CLSTN2: variants seen among roughly 807,000 people sequenced by gnomAD.
The protein encoded by CLSTN2 is calsyntenin-2.
In CLSTN2, 48 loss-of-function variants were observed where a neutral mutation model predicts 101.2. That is an observed-to-expected ratio of 0.47 (90% CI 0.38 to 0.60). CLSTN2 has a LOEUF of 0.60. Among genes scored for constraint, CLSTN2 ranks in the 20% least tolerant of loss-of-function variants. CLSTN2 has a pLI of 0.00. For synonymous variants in CLSTN2, 481 were observed against 463.6 expected, an observed-to-expected ratio of 1.04 and a Z score of -0.48; for missense variants, 1,160 against 1,238.2, an observed-to-expected ratio of 0.94 and a Z score of 0.95.
At chr3:140,467,461 A>G (rs1487377792) in intron 8 of CLSTN2, among the ~76,000 whole-genome samples, 2 of 152,202 alleles carry the variant, frequency 1.3e-5, no homozygotes, top group East Asian at 3.8e-4. Flanking sequence ...ATTGTTCAAA[A>G]GTGTTTTAAA....
In CLSTN2 at chr3:140,013,483, A is replaced by G. The variant is rs76946582; in HGVS notation, c.109+78000A>G. On this transcript the variant is annotated intron_variant, in intron 1 of 16. Transcript: ENST00000458420. ...GGAATAGAAAGCAGTGCGTGGAGAC[A>G]GGGACACATGTGGGTGATATGGAAA... 6.6e-3 allele frequency among the ~76,000 whole-genome samples: 998 copies of G among 152,356 alleles called. 10 individuals are homozygous for G. The highest frequency in any genetic ancestry group is 0.012 in the Non-Finnish European group (833 of 68,028).
intron 1 of CLSTN2, among the ~76,000 whole-genome samples, chr3:140,070,180 T>C (rs933618225): frequency 2.6e-5 from 4 of 152,264 alleles, no homozygotes; most frequent in South Asian, 2.1e-4. Context: ...ACAGCATCCT[T>C]GCCTTTACCT....
chr3:140,421,306 C>G (rs2088503821), intron 5 of CLSTN2, 32 bp downstream of exon 5: 1 of 1,612,684 alleles, frequency 6.2e-7, no homozygotes. Context: ...TGTGTGAAGG[C>G]AGCATGGTCT....
intron 1 of CLSTN2, among the ~76,000 whole-genome samples, chr3:140,038,013 G>T (rs879019094): frequency 6.6e-6 from 1 of 152,168 alleles, no homozygotes; most frequent in Admixed American, 6.5e-5. Flanking sequence ...ACATACACGT[G>T]CAAGTATCTC....
At chr3:140,127,031 A>ATATATCATGTGTCATTATATG (rs1553800625) in intron 1 of CLSTN2, among the ~76,000 whole-genome samples, 7 of 151,490 alleles carry the variant, frequency 4.6e-5, no homozygotes, top group African/African-American at 1.5e-4. Flanking sequence ...TCATATATAT[A>ATATATCATGTGTCATTATATG]TATCATGTGT....
At chr3:140,176,260 T>C (rs970495187) in intron 2 of CLSTN2, among the ~76,000 whole-genome samples, 187 bp downstream of exon 2, 1 of 152,248 alleles carries the variant, frequency 6.6e-6, no homozygotes, top group South Asian at 2.1e-4. Flanking sequence ...TATGTTTTTG[T>C]TTGTTTGTTT....
At chr3:140,067,588 A>C (rs1034208017) in intron 1 of CLSTN2, among the ~76,000 whole-genome samples, 4 of 152,172 alleles carry the variant, frequency 2.6e-5, no homozygotes, top group African/African-American at 9.7e-5. Context: ...AAGGTTAAAA[A>C]ATTTCCCAGA....
At chr3:140,441,408 A>G (rs1346454127) in intron 5 of CLSTN2, among the ~76,000 whole-genome samples, 1 of 152,256 alleles carries the variant, frequency 6.6e-6, no homozygotes, top group Non-Finnish European at 1.5e-5. Flanking sequence ...CATGTTTCTT[A>G]ACCACTCATT....
intron 2 of CLSTN2, among the ~76,000 whole-genome samples, chr3:140,248,174 C>T (rs543864226): frequency 1.3e-5 from 2 of 152,186 alleles, no homozygotes; most frequent in Admixed American, 1.3e-4. Context: ...TTGCTGTGTC[C>T]ATTTCCTGCG....
chr3:140,182,579 C>A (rs981427705), intron 2 of CLSTN2, among the ~76,000 whole-genome samples: 4 of 152,140 alleles, frequency 2.6e-5, no homozygotes, highest in African/African-American at 7.2e-5. Context: ...GTTTGGGGGC[C>A]ATTCCTGAGG....
intron 1 of CLSTN2, among the ~76,000 whole-genome samples, chr3:140,159,533 G>A (rs1479559252): frequency 6.6e-6 from 1 of 152,154 alleles, no homozygotes; most frequent in African/African-American, 2.4e-5. Context: ...TGGTAAGGCT[G>A]TGGTGAAAGG....
intron 2 of CLSTN2, among the ~76,000 whole-genome samples, chr3:140,309,087 C>G (rs891321945): frequency 4.3e-4 from 65 of 152,178 alleles, no homozygotes; most frequent in Admixed American, 1.8e-3. Context: ...TCTCTGTTCC[C>G]TACTCTCATA....
intron 8 of CLSTN2, among the ~76,000 whole-genome samples, chr3:140,471,454 T>C (rs1332337157): frequency 6.6e-6 from 1 of 152,134 alleles, no homozygotes; most frequent in Non-Finnish European, 1.5e-5. Context: ...AAAAAGTGCA[T>C]CTCTGAAAAA....
intron 1 of CLSTN2, among the ~76,000 whole-genome samples, chr3:140,105,810 T>C (rs1334031418): frequency 6.6e-6 from 1 of 152,200 alleles, no homozygotes; most frequent in Non-Finnish European, 1.5e-5. Context: ...CCTCAGCATA[T>C]GTGCTAGCTC....
At chr3:140,397,811 CT>C (rs2088199823) in intron 2 of CLSTN2, among the ~76,000 whole-genome samples, 1 of 152,188 alleles carries the variant, frequency 6.6e-6, no homozygotes, top group Non-Finnish European at 1.5e-5. Flanking sequence ...ATAAAAGTTT[CT>C]TGTGCTTTGA....
chr3:140,449,202 A>G (rs539211245), intron 6 of CLSTN2, among the ~76,000 whole-genome samples: 1 of 152,242 alleles, frequency 6.6e-6, no homozygotes, highest in Non-Finnish European at 1.5e-5. Flanking sequence ...TTCAAAAATT[A>G]ACAAGAGTTT....
chr3:140,217,178 C>T (rs1362141874), intron 2 of CLSTN2, among the ~76,000 whole-genome samples: 1 of 152,150 alleles, frequency 6.6e-6, no homozygotes, highest in African/African-American at 2.4e-5. Flanking sequence ...GGAGTTTGCT[C>T]TGGCTGTAGC....
At chr3:140,260,624 A>G (rs1194705488) in intron 2 of CLSTN2, among the ~76,000 whole-genome samples, 1 of 152,166 alleles carries the variant, frequency 6.6e-6, no homozygotes, top group Non-Finnish European at 1.5e-5. Flanking sequence ...TTTTATTCAT[A>G]GCTTACTGTA....
At chr3:140,494,946 T>C (rs940071114) in intron 8 of CLSTN2, among the ~76,000 whole-genome samples, 2 of 152,210 alleles carry the variant, frequency 1.3e-5, no homozygotes, top group African/African-American at 2.4e-5. Context: ...ATCTTTATAA[T>C]AGAATGATTT....
Sources: gnomAD v4.1 joint callset for allele counts (sites outside exome capture counted in the v4.1 genomes callset) on GRCh38, gnomAD v4.1.1 for gene constraint, MANE v1.5 for transcripts, NCBI Gene and HGNC (gene_info 2026-07-23, HGNC 2026-07-21) for gene names.